The following AARS1 variants were observed in gnomAD, a reference collection of about 807,000 sequenced individuals.
The protein encoded by AARS1 is alanine--tRNA ligase, cytoplasmic.
In AARS1, 72 loss-of-function variants were observed where a neutral mutation model predicts 108.9. That is an observed-to-expected ratio of 0.66 (90% CI 0.55 to 0.80). The LOEUF is 0.80. AARS1 is among the 30% of genes least tolerant of loss of function. The pLI, the probability that AARS1 is intolerant of heterozygous loss-of-function variation, is 0.00. For missense variants in AARS1, 1,193 were observed against 1,233.2 expected, an observed-to-expected ratio of 0.97 and a Z score of 0.49; for synonymous variants, 489 against 465.7, an observed-to-expected ratio of 1.05 and a Z score of -0.64.
At chr16:70,281,647 CA>C (rs1353034378) in intron 2 of AARS1, among the ~76,000 whole-genome samples, 1 of 152,032 alleles carries the variant, frequency 6.6e-6, no homozygotes, top group Non-Finnish European at 1.5e-5. Flanking sequence ...GTCTGGACGA[CA>C]GCGAGACTCT....
In AARS1 at chr16:70,252,863, T is replaced by C; in HGVS notation, c.2765A>G (p.Gln922Arg). The C allele has an allele frequency of 1.9e-6, 3 of 1,614,158 alleles. No individual in the cohort carries two copies. In the South Asian group the frequency reaches 3.3e-5, roughly 18 times the overall value. Residue 922 changes from glutamine to arginine, a missense_variant, in exon 21 of 21, where the codon CAG becomes CGG. Gln to Arg is a conservative substitution (Grantham distance 43). Transcript: ENST00000261772. ...TTTACCGTCCATCAAGCCTGACACC[T>C]GCTGCACCCACTCGCTGGCTTTTAA... ...RGLKASEWVQ[Q>R]VSGLMDGKGG... is the part of the protein sequence containing the mutation.
In AARS1 at chr16:70,253,964, G is replaced by T; in HGVS notation, c.2475C>A (p.Val825=). 1 of 1,614,160 alleles carries T rather than the reference G, an allele frequency of 6.2e-7. No individual in the cohort carries two copies. The highest frequency in any genetic ancestry group is 8.5e-7 in the Non-Finnish European group (1 of 1,180,036). Residue 825 remains valine (V), a synonymous_variant, in exon 18 of 21, where the codon GTC becomes GTA. Coordinates refer to ENST00000261772, the MANE Select transcript of AARS1 (RefSeq NM_001605.3). The part of the protein sequence containing the change: ...LRETLKSLKK[V]MDDLDRASKA... ...TGCTGGCTCGGTCCAAGTCATCCAT[G>T]ACCTTCTTTAGGGATTTGAGAGTCT...
chr16:70,288,436 C>A lies in AARS1; in HGVS notation c.-22+985G>T, dbSNP rs570311310. On this transcript the variant is annotated intron_variant, in intron 1 of 20. Coordinates refer to ENST00000261772, the MANE Select transcript of AARS1 (RefSeq NM_001605.3). ...CTTCCCCTTCTTGATAAGGCTCCCC[C>A]TCTTTTACTGTCTCACAGCCTCAAG... Among the ~76,000 whole-genome samples, 4 of 151,864 alleles carry A rather than the reference C, an allele frequency of 2.6e-5. No individual in the cohort carries two copies. In the South Asian group the frequency reaches 8.3e-4, roughly 32 times the overall value.
intron 7 of AARS1, among the ~76,000 whole-genome samples, chr16:70,269,354 A>C (rs1266546788): frequency 1.8e-4 from 23 of 128,166 alleles, no homozygotes; most frequent in East Asian, 6.7e-4. Flanking sequence ...AAAAAAAAAA[A>C]AAAAAACAAC....
At chr16:70,277,249 G>T in intron 2 of AARS1, 95 bp from the exon 3 acceptor site, 1 of 1,275,596 alleles carries the variant, frequency 7.8e-7, no homozygotes, top group Non-Finnish European at 1.1e-6. Context: ...CACTAACTGT[G>T]CAGTTCATGA....
chr16:70,285,162 G>A (rs118089442), intron 1 of AARS1, among the ~76,000 whole-genome samples: 1 of 151,808 alleles, frequency 6.6e-6, no homozygotes, highest in Non-Finnish European at 1.5e-5. Flanking sequence ...CTGGGAAATA[G>A]TGGTTGCAGT....
chr16:70,261,314 G>T, intron 12 of AARS1, 157 bp from the exon 13 acceptor site: 1 of 562,152 alleles, frequency 1.8e-6, no homozygotes, highest in Non-Finnish European at 3.2e-6. Flanking sequence ...TGATTAAATA[G>T]GCCAGGTGCA....
chr16:70,256,356 G>A (rs1230280101), intron 15 of AARS1, among the ~76,000 whole-genome samples: 1 of 152,160 alleles, frequency 6.6e-6, no homozygotes, highest in African/African-American at 2.4e-5. Context: ...TCAGGCTGGA[G>A]TGCAATGGTG....
chr16:70,254,512 G>A lies in AARS1; in HGVS notation c.2400+109C>T, dbSNP rs759689327. 4 of 803,338 alleles carry A rather than the reference G, an allele frequency of 5.0e-6. No individual in the cohort carries two copies. The African/African-American group carries it at 5.1e-5, about 10-fold the overall frequency. 49.8% of individuals were successfully genotyped at this position (803,338 alleles called of 1,614,324 possible). On this transcript the variant is annotated intron_variant, in intron 17 of 20. Transcript: ENST00000261772. ...CAGGACAACAGAAGTCAGCCCAAAG[G>A]CCCATTCCACCAAGAACCAGGGCCT...
intron 4 of AARS1, among the ~76,000 whole-genome samples, chr16:70,272,885 G>GGGTGACAC (rs1202625364): frequency 1.5e-5 from 1 of 66,626 alleles, no homozygotes; most frequent in Non-Finnish European, 2.7e-5. Context: ...ACTCCAGCCT[G>GGGTGACAC]GGTGACACAC....
At chr16:70,266,519 G>A (rs1444546122) in intron 9 of AARS1, among the ~76,000 whole-genome samples, 2 of 149,922 alleles carry the variant, frequency 1.3e-5, no homozygotes, top group East Asian at 4.0e-4. Context: ...ACCTCACCTG[G>A]ACAATTTTCT....
chr16:70,265,695 A>C (rs776388649), intron 9 of AARS1, 33 bp from the exon 10 acceptor site: 17 of 1,611,484 alleles, frequency 1.1e-5, no homozygotes, highest in Non-Finnish European at 1.3e-5. Context: ...GTCAAAAAAA[A>C]CAGACAGCCC....
chr16:70,287,921 A>G (rs1054791047), intron 1 of AARS1, among the ~76,000 whole-genome samples: 1 of 150,462 alleles, frequency 6.6e-6, no homozygotes, highest in Non-Finnish European at 1.5e-5. Flanking sequence ...ATGTGCCACC[A>G]CACCTAGCTA....
chr16:70,267,939 A>G, intron 8 of AARS1, 130 bp from the exon 9 acceptor site: 1 of 1,309,104 alleles, frequency 7.6e-7, no homozygotes. Flanking sequence ...AAGCCGAGGC[A>G]GGTGGATTGC....
Position 70,252,442 on chromosome 16 carries a change from A to T in AARS1, c.*279T>A, listed in dbSNP as rs1304795524. 2 of 518,012 alleles carry T rather than the reference A, an allele frequency of 3.9e-6. No individual in the cohort carries two copies. Among genetic ancestry groups the T allele is most frequent in the African/African-American group, 1.9e-5 (1 of 52,298 alleles). 32.1% of individuals were successfully genotyped at this position (518,012 alleles called of 1,614,324 possible). A position where few individuals can be genotyped will look rare whatever the true frequency, so the allele number is the denominator to read the frequency against. On this transcript the variant is annotated 3_prime_UTR_variant, in exon 21 of 21. Transcript: ENST00000261772. ...CAGCAAAAACGATTCCTACTTGCTG[A>T]CGCGGAAAGCTCAGGTCTGGAGAGC...
At chr16:70,283,962 A>G (rs571574492) in intron 1 of AARS1, among the ~76,000 whole-genome samples, 1 of 152,276 alleles carries the variant, frequency 6.6e-6, no homozygotes, top group South Asian at 2.1e-4. Flanking sequence ...CTGTAATCCC[A>G]GCACTTTGGG....
At chr16:70,281,268 T>C (rs1026830112) in intron 2 of AARS1, among the ~76,000 whole-genome samples, 4 of 152,212 alleles carry the variant, frequency 2.6e-5, no homozygotes, top group Non-Finnish European at 5.9e-5. Flanking sequence ...AGCTCACACC[T>C]GTAATCACAC....
intron 14 of AARS1, among the ~76,000 whole-genome samples, chr16:70,258,758 G>A (rs1303483961): frequency 6.6e-6 from 1 of 152,110 alleles, no homozygotes; most frequent in African/African-American, 2.4e-5. Flanking sequence ...GTAGAGACAG[G>A]GTTAGCCAGG....
intron 10 of AARS1, chr16:70,265,308 C>T: frequency 1.1e-6 from 1 of 912,698 alleles, no homozygotes; most frequent in Non-Finnish European, 1.7e-6. Flanking sequence ...CTGGCCTCTA[C>T]CAAGTACGTG....
Sources: allele counts gnomAD v4.1 joint callset (sites outside exome capture counted in the v4.1 genomes callset), GRCh38; gene constraint gnomAD v4.1.1; transcripts MANE v1.5; gene names NCBI Gene and HGNC (gene_info 2026-07-23, HGNC 2026-07-21).